Variants in ERLIN1 observed in about 807,000 individuals in gnomAD.
ERLIN1 encodes erlin-1.
A neutral mutation model predicts 46.9 loss-of-function variants in ERLIN1; 24 were observed. The ratio of observed to expected loss-of-function variants is 0.51; its 90% CI spans 0.37 to 0.72. The LOEUF (loss-of-function observed/expected upper bound fraction) is 0.72. Ranked by LOEUF, ERLIN1 falls within the 30% of genes least tolerant of loss-of-function variation. The pLI is 0.00. For synonymous variants in ERLIN1, 158 were observed against 143.2 expected (o/e 1.10, Z -0.74); for missense variants, 293 against 417.9 (o/e 0.70, Z 2.61).
intron 7 of ERLIN1, among the ~76,000 whole-genome samples, chr10:100,166,383 G>A (rs1843641521): frequency 6.6e-6 from 1 of 151,790 alleles, no homozygotes; most frequent in Admixed American, 6.6e-5. Flanking sequence ...AGCCGTGATT[G>A]TGCCACTGCA....
At chr10:100,177,702 A>C (rs1844391745) in intron 4 of ERLIN1, among the ~76,000 whole-genome samples, 1 of 152,230 alleles carries the variant, frequency 6.6e-6, no homozygotes, top group South Asian at 2.1e-4. Flanking sequence ...TTTTATCAAG[A>C]AAATGCTTTC....
chr10:100,169,996 C>A (rs1413223504), intron 6 of ERLIN1, among the ~76,000 whole-genome samples: 3 of 152,040 alleles, frequency 2.0e-5, no homozygotes, highest in Non-Finnish European at 2.9e-5. Context: ...CCAGCCTGGG[C>A]AACAGAGGGA....
At chr10:100,185,460 G>A (rs1844909257) in intron 1 of ERLIN1, 54 bp downstream of exon 1, 4 of 1,359,578 alleles carry the variant, frequency 2.9e-6, no homozygotes, top group Admixed American at 1.7e-5. Flanking sequence ...ACTCCACTCT[G>A]GAGTACCCTT....
At chr10:100,165,235 A>T (rs1843563986) in intron 7 of ERLIN1, among the ~76,000 whole-genome samples, 1 of 152,224 alleles carries the variant, frequency 6.6e-6, no homozygotes, top group Non-Finnish European at 1.5e-5. Flanking sequence ...TCTGAAAAGT[A>T]ACTCCAATAG....
intron 6 of ERLIN1, among the ~76,000 whole-genome samples, chr10:100,169,218 T>G (rs1169736166): frequency 6.6e-6 from 1 of 152,174 alleles, no homozygotes; most frequent in Non-Finnish European, 1.5e-5. Context: ...TTTCTGTTTC[T>G]TTTGCCTATT....
At chr10:100,165,868 G>A (rs1460651135) in intron 7 of ERLIN1, among the ~76,000 whole-genome samples, 1 of 152,116 alleles carries the variant, frequency 6.6e-6, no homozygotes, top group East Asian at 1.9e-4. Context: ...TGGGATTATA[G>A]GTGCCTGCCA....
At chr10:100,172,910 C>T (rs1488757243) in intron 6 of ERLIN1, among the ~76,000 whole-genome samples, 1 of 152,196 alleles carries the variant, frequency 6.6e-6, no homozygotes, top group South Asian at 2.1e-4. Flanking sequence ...TGGGCAGAAT[C>T]TAAGAGCTGA....
chr10:100,169,327 A>G (rs1843851973), intron 6 of ERLIN1, among the ~76,000 whole-genome samples: 1 of 152,104 alleles, frequency 6.6e-6, no homozygotes, highest in African/African-American at 2.4e-5. Context: ...AAAGGAATAT[A>G]TGTATTGAAA....
At chr10:100,155,058 G>T in intron 9 of ERLIN1, 119 bp from the exon 10 acceptor site, 1 of 815,950 alleles carries the variant, frequency 1.2e-6, no homozygotes, top group Non-Finnish European at 2.0e-6. Flanking sequence ...AAACCTATTA[G>T]CAGTTTTCAA....
chr10:100,172,128 C>T (rs1023942452), intron 6 of ERLIN1, among the ~76,000 whole-genome samples: 3 of 152,070 alleles, frequency 2.0e-5, no homozygotes, highest in African/African-American at 4.8e-5. Context: ...AACATGCATA[C>T]AGTAGTAAAA....
Position 100,151,914 on chromosome 10 carries a change from C to CTTG in ERLIN1, c.*216_*217insCAA. 1 of 594,440 alleles carries CTTG rather than the reference C, an allele frequency of 1.7e-6. No individual in the cohort carries two copies. Among genetic ancestry groups the CTTG allele is most frequent in the East Asian group, 2.9e-5 (1 of 34,152 alleles). The allele number at this position is 594,440 out of a possible 1,614,324, so 36.8% of individuals were successfully genotyped here. Reference sequence around the variant, plus strand: ...ATGAGTAGCAGTTTAGAAAGGAATACATATAGGATACTTGATAAGACTGTG... The same window carrying CTTG: ...ATGAGTAGCAGTTTAGAAAGGAATACTTGATATAGGATACTTGATAAGACTGTG... On this transcript the variant is annotated 3_prime_UTR_variant, in exon 11 of 11. Coordinates refer to ENST00000421367, the MANE Select transcript of ERLIN1 (RefSeq NM_006459.4).
intron 3 of ERLIN1, 61 bp from the exon 4 acceptor site, chr10:100,178,255 T>C (rs370148841): frequency 8.4e-5 from 89 of 1,055,290 alleles, no homozygotes; most frequent in Middle Eastern, 2.0e-4. Flanking sequence ...CAGTTATAGA[T>C]AGACCTGGGG....
intron 6 of ERLIN1, among the ~76,000 whole-genome samples, chr10:100,168,166 C>T (rs931901159): frequency 1.3e-5 from 2 of 152,122 alleles, no homozygotes; most frequent in Non-Finnish European, 2.9e-5. Flanking sequence ...ACTAAACATA[C>T]GATACCCCGC....
chr10:100,178,442 T>C (rs1352345931), intron 3 of ERLIN1, among the ~76,000 whole-genome samples: 1 of 152,240 alleles, frequency 6.6e-6, no homozygotes, highest in Admixed American at 6.5e-5. Context: ...TTTGATACAA[T>C]TCAATGCAGT....
At chr10:100,178,324 T>C in intron 3 of ERLIN1, 130 bp from the exon 4 acceptor site, 2 of 595,682 alleles carry the variant, frequency 3.4e-6, no homozygotes, top group East Asian at 5.8e-5. Flanking sequence ...GTTCGCTTCC[T>C]TTTTCATAGC....
In ERLIN1 at chr10:100,183,767, T is replaced by C; in HGVS notation, c.184A>G (p.Arg62Gly). ...TAGGAATCACTCACCTGCACAGATC[T>C]GAACGTAGTAATGAAAGGCAACATG... ...HIMLPFITTF[R>G]SVQTTLQTDE... The change falls in exon 2 of 11, where the codon AGA becomes GGA. Residue 62 changes from arginine (R) to glycine (G), a missense_variant. By Grantham distance (125) the Arg-to-Gly change is moderately radical. Transcript: ENST00000421367. The C allele has an allele frequency of 6.2e-7, 1 of 1,612,514 alleles. No individual in the cohort carries two copies. The highest frequency in any genetic ancestry group is 2.2e-5 in the East Asian group (1 of 44,866).
intron 8 of ERLIN1, among the ~76,000 whole-genome samples, chr10:100,156,559 C>T (rs548632495): frequency 1.9e-4 from 29 of 152,146 alleles, no homozygotes; most frequent in African/African-American, 6.7e-4. Flanking sequence ...TACCACAGAA[C>T]AAAAACAGAG....
chr10:100,155,577 G>C (rs1420759162), intron 9 of ERLIN1, among the ~76,000 whole-genome samples: 2 of 151,698 alleles, frequency 1.3e-5, no homozygotes, highest in African/African-American at 4.8e-5. Context: ...TGCAGTGGCG[G>C]GATCTCGGCT....
Position 100,174,283 on chromosome 10 carries a change from T to C in ERLIN1, c.431-2A>G. The C allele has an allele frequency of 1.3e-6, 2 of 1,553,764 alleles. No individual in the cohort carries two copies. The highest frequency in any genetic ancestry group is 1.7e-6 in the Non-Finnish European group (2 of 1,147,226). ...GCTTCAGGTTTTCATCTATTTGATC[T>C]GTTTTTTAAGCCAAGAACAACAGAT... On this transcript the variant is annotated splice_acceptor_variant, in intron 5 of 10. Transcript: ENST00000421367. LOFTEE classifies it high-confidence loss of function.
Sources: gnomAD v4.1 joint callset for allele counts (sites outside exome capture counted in the v4.1 genomes callset) on GRCh38, gnomAD v4.1.1 for gene constraint, MANE v1.5 for transcripts, NCBI Gene and HGNC (gene_info 2026-07-23, HGNC 2026-07-21) for gene names.